Variants in SYT14 observed in about 807,000 individuals in gnomAD.
SYT14 encodes synaptotagmin-14.
Under a neutral mutation model 74.2 loss-of-function variants are expected in SYT14, and 32 were observed. The ratio of observed to expected loss-of-function variants is 0.43; its 90% CI spans 0.33 to 0.58. The LOEUF (loss-of-function observed/expected upper bound fraction) is 0.58, where lower values mean the gene tolerates loss of function less well. SYT14 is among the 20% of genes least tolerant of loss of function. The pLI is 0.05. For missense variants in SYT14, 791 were observed against 981.8 expected (o/e 0.81, Z 2.60); for synonymous variants, 298 against 337.7 (o/e 0.88, Z 1.29).
chr1:209,966,386 G>A (rs2079158902), intron 2 of SYT14, among the ~76,000 whole-genome samples: 1 of 152,090 alleles, frequency 6.6e-6, no homozygotes, highest in Non-Finnish European at 1.5e-5. Context: ...GTGGAATTTT[G>A]GATGGGACTG....
chr1:209,956,524 G>A (rs529989233), intron 2 of SYT14, among the ~76,000 whole-genome samples: 31 of 152,200 alleles, frequency 2.0e-4, no homozygotes, highest in South Asian at 4.2e-4. Flanking sequence ...TTATGGGATA[G>A]GCCTGGAAGG....
chr1:209,998,364 G>C (rs2079834949), intron 2 of SYT14, among the ~76,000 whole-genome samples: 3 of 152,062 alleles, frequency 2.0e-5, no homozygotes, highest in Non-Finnish European at 2.9e-5. Context: ...TTATTAAAAT[G>C]ACCATATTAC....
chr1:210,086,618 T>C (rs1303271019), intron 5 of SYT14, among the ~76,000 whole-genome samples: 1 of 152,198 alleles, frequency 6.6e-6, no homozygotes, highest in Non-Finnish European at 1.5e-5. Flanking sequence ...GAATCCTGGT[T>C]CCTATTAGTG....
chr1:209,958,858 A>G (rs2102703809), intron 2 of SYT14, among the ~76,000 whole-genome samples: 1 of 152,292 alleles, frequency 6.6e-6, no homozygotes, highest in East Asian at 1.9e-4. Context: ...CTAAAAGGAT[A>G]CTCTATAATC....
At chr1:210,032,989 T>C (rs1006158637) in intron 5 of SYT14, among the ~76,000 whole-genome samples, 2 of 151,878 alleles carry the variant, frequency 1.3e-5, no homozygotes, top group Non-Finnish European at 2.9e-5. Flanking sequence ...TCAGATATTC[T>C]TTCTTTCCAG....
At chr1:209,947,629 G>C (rs1013065911) in intron 1 of SYT14, among the ~76,000 whole-genome samples, 12 of 152,156 alleles carry the variant, frequency 7.9e-5, no homozygotes, top group African/African-American at 2.9e-4. Context: ...ATATACTACT[G>C]GTGAAGCTGC....
intron 1 of SYT14, among the ~76,000 whole-genome samples, chr1:209,947,570 G>C (rs1281271384): frequency 6.6e-6 from 1 of 152,192 alleles, no homozygotes; most frequent in Non-Finnish European, 1.5e-5. Context: ...AAACTTGAAC[G>C]GATGAGGAGT....
intron 5 of SYT14, among the ~76,000 whole-genome samples, chr1:210,083,014 T>G (rs2081645303): frequency 1.3e-5 from 2 of 151,922 alleles, no homozygotes; most frequent in Admixed American, 1.3e-4. Context: ...GGATTTTCAC[T>G]CAGTCACCCA....
intron 7 of SYT14, among the ~76,000 whole-genome samples, chr1:210,116,288 G>T (rs1348071740): frequency 6.6e-6 from 1 of 152,096 alleles, no homozygotes; most frequent in East Asian, 1.9e-4. Context: ...TGAGTTTATT[G>T]CCTGTAGTTT....
At chr1:210,093,927 G>C (rs566964194) in intron 5 of SYT14, among the ~76,000 whole-genome samples, 1 of 152,164 alleles carries the variant, frequency 6.6e-6, no homozygotes, top group East Asian at 1.9e-4. Context: ...TATTATGTTT[G>C]TTTTTCCAAC....
chr1:210,058,460 G>A (rs1167278350), intron 5 of SYT14, among the ~76,000 whole-genome samples: 1 of 152,180 alleles, frequency 6.6e-6, no homozygotes, highest in African/African-American at 2.4e-5. Flanking sequence ...GAAAATAGAG[G>A]AGGCAAGAGT....
chr1:210,025,296 A>C (rs898688615), intron 5 of SYT14, among the ~76,000 whole-genome samples: 2 of 152,190 alleles, frequency 1.3e-5, no homozygotes, highest in African/African-American at 4.8e-5. Flanking sequence ...GTAGGACTTC[A>C]TTCATTTTCC....
At chr1:209,968,514 C>CAT (rs1243074279) in intron 2 of SYT14, among the ~76,000 whole-genome samples, 3 of 152,012 alleles carry the variant, frequency 2.0e-5, no homozygotes, top group East Asian at 1.9e-4. Flanking sequence ...TTCATCATAT[C>CAT]ATATGGAGTA....
chr1:210,159,251 C>T, intron 8 of SYT14, 170 bp from the exon 8 acceptor site: 1 of 691,214 alleles, frequency 1.4e-6, no homozygotes, highest in Non-Finnish European at 2.5e-6. Flanking sequence ...TTAAATTTAC[C>T]CAACATCCTT....
chr1:210,038,951 C>G (rs183456113), intron 5 of SYT14, among the ~76,000 whole-genome samples: 2 of 152,212 alleles, frequency 1.3e-5, no homozygotes, highest in East Asian at 3.9e-4. Flanking sequence ...ATGTCTGAAT[C>G]TCTAGCAAGA....
chr1:210,058,640 C>T (rs1183711542), intron 5 of SYT14, among the ~76,000 whole-genome samples: 1 of 152,090 alleles, frequency 6.6e-6, no homozygotes, highest in East Asian at 1.9e-4. Context: ...GAATTATCTG[C>T]GTAATTTATG....
chr1:209,942,897 A>T (rs1405304977), intron 1 of SYT14, among the ~76,000 whole-genome samples: 2 of 152,116 alleles, frequency 1.3e-5, no homozygotes, highest in African/African-American at 4.8e-5. Flanking sequence ...AACTAGTGAG[A>T]ATCTATGTGT....
exon 3 of SYT14, chr1:210,013,651 G>A: frequency 6.2e-7 from 1 of 1,613,010 alleles, no homozygotes. Context: ...GAGGCAGTTG[G>A]ATTTTTGTCA....
intron 7 of SYT14, among the ~76,000 whole-genome samples, chr1:210,101,630 A>G (rs2102549666): frequency 6.6e-6 from 1 of 151,894 alleles, no homozygotes. Context: ...TTGGGGAAAT[A>G]CCTTTTAGAA....
Sources: allele counts gnomAD v4.1 joint callset (sites outside exome capture counted in the v4.1 genomes callset), GRCh38; gene constraint gnomAD v4.1.1; transcripts MANE v1.5; gene names NCBI Gene and HGNC (gene_info 2026-07-23, HGNC 2026-07-21).